The following SUGT1 variants were observed in gnomAD, a reference collection of about 807,000 sequenced individuals.
SUGT1 encodes SGT1 assembly cochaperone of MIS12 kinetochore complex.
SUGT1 carries 15 observed loss-of-function variants against 56.1 expected under a neutral mutation model. That is an observed-to-expected ratio of 0.27 (90% CI 0.18 to 0.41). The LOEUF (loss-of-function observed/expected upper bound fraction) is 0.41. Among genes scored for constraint, SUGT1 ranks in the 10% least tolerant of loss-of-function variants. The probability of loss-of-function intolerance (pLI) is 1.00; values close to 1 mark genes in which losing one functional copy is unlikely to be tolerated. For missense variants in SUGT1, 347 were observed against 382.2 expected (o/e 0.91, Z 0.77); for synonymous variants, 123 against 128.6 (o/e 0.96, Z 0.30).
At chr13:52,673,080 T>C (rs1963004158) in intron 10 of SUGT1, among the ~76,000 whole-genome samples, 1 of 152,202 alleles carries the variant, frequency 6.6e-6, no homozygotes, top group Non-Finnish European at 1.5e-5. Context: ...GGTATGTTAA[T>C]GGTTGCAGTA....
intron 6 of SUGT1, 89 bp from the exon 7 acceptor site, chr13:52,663,007 C>G: frequency 7.1e-7 from 1 of 1,409,778 alleles, no homozygotes; most frequent in South Asian, 1.3e-5. Context: ...CTTGCTTAAT[C>G]AGTATGTTTG....
At position 52,657,642 on chromosome 13, in the gene SUGT1, A is replaced by G. The variant is rs377203850; in HGVS notation, c.187+20A>G. 2.3e-5 allele frequency: 36 copies of G among 1,588,734 alleles called. No individual in the cohort carries two copies. The African/African-American group carries it at 4.7e-4, about 21-fold the overall frequency. On this transcript the variant is annotated intron_variant, in intron 3 of 12. Coordinates refer to ENST00000310528, the MANE Select transcript of SUGT1 (RefSeq NM_006704.5). ...ACTGTGGTAACGTTTCTTATAAAGT[A>G]TATTGCCCCCTTTTAATAAGTTACT...
intron 10 of SUGT1, among the ~76,000 whole-genome samples, chr13:52,668,925 C>T (rs2138138821): frequency 6.6e-6 from 1 of 151,916 alleles, no homozygotes; most frequent in East Asian, 1.9e-4. Flanking sequence ...ACTTGTATTA[C>T]TGAGCCACCT....
intron 9 of SUGT1, 61 bp downstream of exon 9, chr13:52,665,794 C>A: frequency 1.8e-6 from 2 of 1,105,626 alleles, no homozygotes; most frequent in Non-Finnish European, 2.6e-6. Flanking sequence ...TAGTATATTG[C>A]AGAATAATCG....
chr13:52,665,145 GTCTA>G (rs1225403737), intron 8 of SUGT1, among the ~76,000 whole-genome samples: 1 of 152,126 alleles, frequency 6.6e-6, no homozygotes, highest in Admixed American at 6.5e-5. Flanking sequence ...GTGTGCTCAA[GTCTA>G]TCTGCTTCCA....
At position 52,691,868 on chromosome 13, in the gene SUGT1, G is replaced by A. The variant is rs1268144650; in HGVS notation, c.*4033G>A. 6.6e-6 allele frequency: 1 copy of A among 152,076 alleles called. No individual in the cohort carries two copies. Among genetic ancestry groups the A allele is most frequent in the African/African-American group, 2.4e-5 (1 of 41,406 alleles). The allele number at this position is 152,076 out of a possible 1,614,324, so 9.4% of individuals were successfully genotyped here. A position where few individuals can be genotyped will look rare whatever the true frequency, so the allele number is the denominator to read the frequency against. The stretch of plus-strand genomic sequence containing the variant: ...ATGTGGTTTCCCTTTCTCCATCTGT[G>A]CATTTTTTAAATCGTAAGATCATTT... On this transcript the variant is annotated 3_prime_UTR_variant, in exon 13 of 13. Transcript: ENST00000310528.
intron 9 of SUGT1, among the ~76,000 whole-genome samples, chr13:52,666,258 G>C (rs933055615): frequency 6.6e-6 from 1 of 152,010 alleles, no homozygotes; most frequent in East Asian, 1.9e-4. Context: ...GCTAATTTTT[G>C]TAGAAACGGG....
intron 10 of SUGT1, among the ~76,000 whole-genome samples, chr13:52,668,261 T>A (rs1241641272): frequency 6.6e-6 from 1 of 152,178 alleles, no homozygotes; most frequent in East Asian, 1.9e-4. Context: ...ATTACAGGTG[T>A]GAGCCACTGC....
chr13:52,672,780 T>A (rs1406636645), intron 10 of SUGT1, among the ~76,000 whole-genome samples: 1 of 152,224 alleles, frequency 6.6e-6, no homozygotes, highest in Non-Finnish European at 1.5e-5. Context: ...GGTGTCTGGA[T>A]ATCATGATTG....
intron 12 of SUGT1, among the ~76,000 whole-genome samples, chr13:52,686,400 A>T (rs1181416639): frequency 6.6e-6 from 1 of 152,248 alleles, no homozygotes; most frequent in Non-Finnish European, 1.5e-5. Flanking sequence ...AAGCAGATCT[A>T]AGAAGATAGA....
In SUGT1 at chr13:52,688,086, A is replaced by C; in HGVS notation, c.*251A>C. 1 of 239,738 alleles carries C rather than the reference A, an allele frequency of 4.2e-6. No individual in the cohort carries two copies. The highest frequency in any genetic ancestry group is 8.0e-6 in the Non-Finnish European group (1 of 124,998). 14.9% of individuals were successfully genotyped at this position (239,738 alleles called of 1,614,324 possible). On this transcript the variant is annotated 3_prime_UTR_variant, in exon 13 of 13. Coordinates refer to ENST00000310528, the MANE Select transcript of SUGT1 (RefSeq NM_006704.5). ...AATAAAGCATGTCATTTGCTCCTAGATAGATTCATTCTATCTAGTTGTGGG... is the reference window on the plus strand; with the variant it reads ...AATAAAGCATGTCATTTGCTCCTAGCTAGATTCATTCTATCTAGTTGTGGG...
At chr13:52,684,389 GCT>G (rs1340919312) in intron 12 of SUGT1, among the ~76,000 whole-genome samples, 3 of 146,336 alleles carry the variant, frequency 2.1e-5, no homozygotes, top group African/African-American at 7.6e-5. Flanking sequence ...CAAAGAATTA[GCT>G]CTTTGTTTCG....
intron 10 of SUGT1, among the ~76,000 whole-genome samples, chr13:52,667,317 T>C (rs1192303982): frequency 1.3e-5 from 2 of 152,224 alleles, no homozygotes; most frequent in East Asian, 1.9e-4. Flanking sequence ...AAATACAAAC[T>C]ACAAGAAAGA....
chr13:52,662,540 C>CGAGGTATGA, intron 5 of SUGT1, 109 bp from the exon 6 acceptor site: 1 of 1,041,472 alleles, frequency 9.6e-7, no homozygotes, highest in Admixed American at 2.1e-5. Flanking sequence ...TCGCTGCCGA[C>CGAGGTATGA]TCCCCAGTGC....
chr13:52,666,989 C>T (rs1962733997), intron 10 of SUGT1, 70 bp downstream of exon 10: 4 of 1,039,592 alleles, frequency 3.8e-6, no homozygotes, highest in Non-Finnish European at 5.8e-6. Context: ...AACTAATCAC[C>T]CATGTGTTTA....
At position 52,688,181 on chromosome 13, in the gene SUGT1, T is replaced by C. The variant is rs1265884140; in HGVS notation, c.*346T>C. On this transcript the variant is annotated 3_prime_UTR_variant, in exon 13 of 13. Transcript: ENST00000310528. ...TTTGATACAGTATTCTGTCAGTAAT[T>C]TATTAGACCTGGCAGCTTTGGGTGA... 1 of 155,126 alleles carries C rather than the reference T, an allele frequency of 6.4e-6. No homozygotes were observed. The highest frequency in any genetic ancestry group is 1.4e-5 in the Non-Finnish European group (1 of 69,774). 9.6% of individuals were successfully genotyped at this position (155,126 alleles called of 1,614,324 possible). A position where few individuals can be genotyped will look rare whatever the true frequency, so the allele number is the denominator to read the frequency against.
At chr13:52,680,890 T>C (rs904188666) in intron 12 of SUGT1, among the ~76,000 whole-genome samples, 2 of 152,150 alleles carry the variant, frequency 1.3e-5, no homozygotes, top group African/African-American at 2.4e-5. Flanking sequence ...TGCCCAGGCT[T>C]GAGTACAGTG....
chr13:52,699,039 G>A lies in SUGT1; in HGVS notation c.*11204G>A, dbSNP rs1566211237. The A allele has an allele frequency of 6.6e-6, 1 of 152,174 alleles. No homozygotes were observed. Among genetic ancestry groups the A allele is most frequent in the Non-Finnish European group, 1.5e-5 (1 of 68,042 alleles). 9.4% of individuals were successfully genotyped at this position (152,174 alleles called of 1,614,324 possible). On this transcript the variant is annotated 3_prime_UTR_variant, in exon 13 of 13. Coordinates refer to ENST00000310528, the MANE Select transcript of SUGT1 (RefSeq NM_006704.5). Reference sequence around the variant, plus strand: ...TCAAGGAGTAAAGGAGAGAACAGAAGTGAGATTAGCACTAATCACCTCTAA... The same window carrying A: ...TCAAGGAGTAAAGGAGAGAACAGAAATGAGATTAGCACTAATCACCTCTAA...
At position 52,652,964 on chromosome 13, in the gene SUGT1, T is replaced by C. The variant is rs752484847; in HGVS notation, c.38+6T>C. 7.9e-5 allele frequency: 128 copies of C among 1,614,064 alleles called. No homozygotes were observed. Among genetic ancestry groups the C allele is most frequent in the Non-Finnish European group, 1.1e-4 (126 of 1,180,012 alleles). ...GGAACTGCAACATCCCAGAGGTGCA[T>C]GTTTTTCTTTCCCTTTGGTATTTAT... On this transcript the variant is annotated splice_donor_region_variant and intron_variant, in intron 1 of 12. Transcript: ENST00000310528.
Sources: allele counts gnomAD v4.1 joint callset (sites outside exome capture counted in the v4.1 genomes callset), GRCh38; gene constraint gnomAD v4.1.1; transcripts MANE v1.5; gene names NCBI Gene and HGNC (gene_info 2026-07-23, HGNC 2026-07-21).